The following SLC36A1 variants were observed in gnomAD, a reference collection of about 807,000 sequenced individuals.
SLC36A1 encodes the protein solute carrier family 36 member 1, also known as proton-coupled amino acid transporter 1.
SLC36A1 carries 30 observed loss-of-function variants against 47.5 expected under a neutral mutation model. That is an observed-to-expected ratio of 0.63 (90% CI 0.47 to 0.86). The LOEUF (loss-of-function observed/expected upper bound fraction) is 0.86. Ranked by LOEUF, SLC36A1 falls within the 40% of genes least tolerant of loss-of-function variation. The pLI, the probability that SLC36A1 is intolerant of heterozygous loss-of-function variation, is 0.00. For missense variants in SLC36A1, 517 were observed against 606.0 expected, an observed-to-expected ratio of 0.85 and a Z score of 1.54; for synonymous variants, 255 against 249.7, an observed-to-expected ratio of 1.02 and a Z score of -0.20.
At chr5:151,480,504 C>A (rs1261100918) in intron 10 of SLC36A1, among the ~76,000 whole-genome samples, 1 of 152,178 alleles carries the variant, frequency 6.6e-6, no homozygotes, top group Non-Finnish European at 1.5e-5. Flanking sequence ...CTCCTTCAGG[C>A]CCTCTCCTAG....
At chr5:151,521,710 T>C in the SLC36A1 span, 2 of 1,613,946 alleles carry the variant, frequency 1.2e-6, no homozygotes, top group Non-Finnish European at 1.7e-6. Context: ...CATGGCCTGC[T>C]GCAGAGCCTC....
the SLC36A1 span, among the ~76,000 whole-genome samples, chr5:151,373,652 C>T: frequency 6.6e-6 from 1 of 152,066 alleles, no homozygotes; most frequent in Non-Finnish European, 1.5e-5. Context: ...AAATATTATT[C>T]CAGACAGAAA....
the SLC36A1 span, among the ~76,000 whole-genome samples, chr5:151,534,951 G>A: frequency 5.1e-3 from 550 of 107,216 alleles, 4 homozygotes; most frequent in African/African-American, 0.016. Flanking sequence ...CCTTTGGTTC[G>A]TAATTCCACT....
At chr5:151,454,139 G>A (rs1176318292) in intron 1 of SLC36A1, among the ~76,000 whole-genome samples, 1 of 114,208 alleles carries the variant, frequency 8.8e-6, no homozygotes, top group South Asian at 2.7e-4. Context: ...TTTTTACTCA[G>A]TTGCTCACTC....
the SLC36A1 span, among the ~76,000 whole-genome samples, chr5:151,346,661 G>A: frequency 9.9e-5 from 15 of 152,142 alleles, no homozygotes; most frequent in Non-Finnish European, 1.5e-5. Flanking sequence ...TTGGGTGGTG[G>A]GGTCAGATGT....
At chr5:151,531,600 C>T in the SLC36A1 span, 20 of 1,612,506 alleles carry the variant, frequency 1.2e-5, no homozygotes, top group Admixed American at 8.3e-5. The surrounding 1 kb of genome is among the most constrained non-coding windows in gnomAD (Gnocchi z 5.7). Context: ...TGCGAGCATC[C>T]AGGCGGAACC....
chr5:151,553,961 C>G, the SLC36A1 span, among the ~76,000 whole-genome samples: 1 of 152,214 alleles, frequency 6.6e-6, no homozygotes, highest in African/African-American at 2.4e-5. Flanking sequence ...CATGCGCTAG[C>G]TACCTGATAT....
At chr5:151,551,400 C>A in the SLC36A1 span, 18 of 1,564,072 alleles carry the variant, frequency 1.2e-5, no homozygotes, top group Admixed American at 1.8e-5. Flanking sequence ...ACCTCTGTAG[C>A]CTCATCCCAA....
chr5:151,437,701 A>T (rs993848975), intron 1 of SLC36A1, among the ~76,000 whole-genome samples: 1 of 152,170 alleles, frequency 6.6e-6, no homozygotes, highest in Non-Finnish European at 1.5e-5. Context: ...TAATGATATA[A>T]ACATAAAGCT....
the SLC36A1 span, chr5:151,551,577 C>T: frequency 1.9e-6 from 3 of 1,614,216 alleles, no homozygotes; most frequent in Non-Finnish European, 1.7e-6. Context: ...GTGGTCTTCT[C>T]AATGTCAAAG....
chr5:151,525,754 A>T, the SLC36A1 span: 3 of 1,614,032 alleles, frequency 1.9e-6, no homozygotes, highest in East Asian at 4.5e-5. Flanking sequence ...CCAGAAGCCT[A>T]GCACAGCTCT....
At chr5:151,367,669 C>T in the SLC36A1 span, among the ~76,000 whole-genome samples, 1 of 152,098 alleles carries the variant, frequency 6.6e-6, no homozygotes, top group African/African-American at 2.4e-5. Flanking sequence ...CCTCAGCTTA[C>T]AAAGATAACA....
At chr5:151,506,129 A>C in the SLC36A1 span, 19 of 1,489,728 alleles carry the variant, frequency 1.3e-5, no homozygotes, top group Non-Finnish European at 1.5e-5. Flanking sequence ...GGGTGAGCTC[A>C]TTTTCTCCCC....
At chr5:151,361,592 C>G in the SLC36A1 span, among the ~76,000 whole-genome samples, 1 of 152,240 alleles carries the variant, frequency 6.6e-6, no homozygotes, top group African/African-American at 2.4e-5. Flanking sequence ...AAATTTCATA[C>G]TAGAGTTATG....
the SLC36A1 span, chr5:151,525,646 G>A: frequency 3.8e-6 from 4 of 1,062,180 alleles, no homozygotes; most frequent in African/African-American, 4.7e-5. Flanking sequence ...ACCTAGCCCA[G>A]TGCCTGATGC....
In SLC36A1 at chr5:151,473,762, C is replaced by T. The variant is rs182655353; in HGVS notation, c.813C>T (p.Gly271=). 7 of 1,612,836 alleles carry T rather than the reference C, an allele frequency of 4.3e-6. No homozygotes were observed. The highest frequency in any genetic ancestry group is 5.9e-6 in the Non-Finnish European group (7 of 1,178,856). The part of the protein sequence containing the change: ...FFGTAIFSFE[G]IGMVLPLENK... ...GCACAGCGATTTTTTCATTTGAAGG[C>T]ATTGGAATGGTAAGAGCTGCACTGT... is the stretch of plus-strand genomic sequence containing the variant. Residue 271 remains glycine, a synonymous_variant, in exon 8 of 11, where the codon GGC becomes GGT. Coordinates refer to ENST00000243389, the MANE Select transcript of SLC36A1 (RefSeq NM_078483.4).
At chr5:151,510,205 G>T in the SLC36A1 span, 1 of 1,611,826 alleles carries the variant, frequency 6.2e-7, no homozygotes, top group Middle Eastern at 1.7e-4. Context: ...GTGAGAGACC[G>T]CACTGGCCTA....
chr5:151,483,508 T>TCG (rs1554117405), intron 10 of SLC36A1, among the ~76,000 whole-genome samples: 5 of 135,868 alleles, frequency 3.7e-5, no homozygotes, highest in Non-Finnish European at 6.1e-5. Context: ...GCTGGGGTCT[T>TCG]TGTGTGTGTG....
the SLC36A1 span, among the ~76,000 whole-genome samples, chr5:151,394,256 G>A: frequency 2.6e-5 from 4 of 152,246 alleles, no homozygotes; most frequent in Non-Finnish European, 4.4e-5. Context: ...AGCTCCATCA[G>A]GTCATTTAAG....
Sources: gnomAD v4.1 joint callset for allele counts (sites outside exome capture counted in the v4.1 genomes callset) on GRCh38, gnomAD v4.1.1 for gene constraint, Gnocchi (gnomAD v3.1) non-coding constraint, MANE v1.5 for transcripts, NCBI Gene and HGNC (gene_info 2026-07-23, HGNC 2026-07-21) for gene names.